The following HSPA12A variants were observed in gnomAD, a reference collection of about 807,000 sequenced individuals.
The protein encoded by HSPA12A is heat shock protein family A (Hsp70) member 12A, also known as heat shock 70 kDa protein 12A.
Under a neutral mutation model 69.2 loss-of-function variants are expected in HSPA12A, and 28 were observed. The observed-to-expected ratio is 0.40, with a 90% CI of 0.30 to 0.55. HSPA12A has a LOEUF of 0.55. HSPA12A is among the 20% of genes least tolerant of loss of function. HSPA12A has a pLI of 0.38. For missense variants in HSPA12A, 686 were observed against 900.7 expected (o/e 0.76, Z 3.05); for synonymous variants, 345 against 370.5 (o/e 0.93, Z 0.79).
upstream of HSPA12A, among the ~76,000 whole-genome samples, chr10:116,747,228 A>T (rs548527215): frequency 6.6e-6 from 1 of 152,366 alleles, no homozygotes; most frequent in East Asian, 1.9e-4. Context: ...CCACTCTTTC[A>T]GGCAAAAATT....
chr10:116,798,562 G>A (rs1844885287), intron 2 of HSPA12A, among the ~76,000 whole-genome samples: 1 of 152,158 alleles, frequency 6.6e-6, no homozygotes, highest in African/African-American at 2.4e-5. Context: ...GGAGCCCCCA[G>A]GAGGAAGTAG....
rs1312802025 is a variant in HSPA12A at position 116,757,533 on chromosome 10, G to T, written c.92-50248C>A. Among the ~76,000 whole-genome samples, 4 of 152,272 alleles carry T rather than the reference G, an allele frequency of 2.6e-5. No individual in the cohort carries two copies. In the Middle Eastern group the frequency reaches 0.01, roughly 388 times the overall value. On this transcript the variant is annotated intron_variant, in intron 2 of 12. Coordinates refer to the HSPA12A transcript ENST00000635765. ...CACTCCAGAGTTACATTCATCATCC[G>T]CACACGGCAGGAGGTTGGACAAATG...
In HSPA12A at chr10:116,681,177, G is replaced by T; in HGVS notation, c.1002C>A (p.His334Gln). The T allele has an allele frequency of 1.2e-6, 2 of 1,613,898 alleles. No homozygotes were observed. Among genetic ancestry groups the T allele is most frequent in the Non-Finnish European group, 1.7e-6 (2 of 1,179,820 alleles). Reference sequence around the variant, plus strand: ...CTGTTGCTTTATACAGTTCCTTAAGGTGTCCCTCCGGTAACCGGATCTGAT... The same window carrying T: ...CTGTTGCTTTATACAGTTCCTTAAGTTGTCCCTCCGGTAACCGGATCTGAT... ...TVHQIRLPEG[H>Q]LKELYKATGG... The change falls in exon 9 of 12, where the codon CAC becomes CAA. Residue 334 changes from histidine (H) to glutamine (Q), a missense_variant. By Grantham distance (24) the His-to-Gln change is conservative (BLOSUM62 0). Transcript: ENST00000369209.
intron 2 of HSPA12A, among the ~76,000 whole-genome samples, chr10:116,796,990 T>C (rs1844840633): frequency 1.3e-5 from 2 of 152,218 alleles, no homozygotes; most frequent in South Asian, 2.1e-4. Flanking sequence ...TGCATGATTA[T>C]TGCTGCCCCC....
At chr10:116,794,594 C>T (rs951734963) in intron 2 of HSPA12A, among the ~76,000 whole-genome samples, 1 of 152,146 alleles carries the variant, frequency 6.6e-6, no homozygotes, top group African/African-American at 2.4e-5. Flanking sequence ...GGGTGGATAA[C>T]TTGAGGTCAG....
intron 7 of HSPA12A, 58 bp from the exon 8 acceptor site, chr10:116,681,935 C>A: frequency 6.6e-7 from 1 of 1,518,798 alleles, no homozygotes. Flanking sequence ...AAGCAGAGAT[C>A]ATTTGCAGTC....
At chr10:116,742,077 GC>G (rs1851526512) in intron 1 of HSPA12A, among the ~76,000 whole-genome samples, 1 of 152,094 alleles carries the variant, frequency 6.6e-6, no homozygotes, top group Non-Finnish European at 1.5e-5. Context: ...AGCCCATCGC[GC>G]GGGGGCTGCA....
intron 1 of HSPA12A, among the ~76,000 whole-genome samples, chr10:116,838,460 C>G (rs1255299930): frequency 6.6e-6 from 1 of 152,158 alleles, no homozygotes; most frequent in Non-Finnish European, 1.5e-5. Context: ...TGGAGAAAAA[C>G]AAGCCAAACA....
intron 1 of HSPA12A, 67 bp from the exon 2 acceptor site, chr10:116,707,352 G>T: frequency 7.9e-7 from 1 of 1,265,050 alleles, no homozygotes; most frequent in Non-Finnish European, 1.1e-6. Context: ...AGAAATGAGG[G>T]CTGCATGGCC....
intron 2 of HSPA12A, among the ~76,000 whole-genome samples, chr10:116,812,946 A>C (rs1289433141): frequency 6.6e-6 from 1 of 152,208 alleles, no homozygotes; most frequent in African/African-American, 2.4e-5. Flanking sequence ...CCACCATGAG[A>C]CATCTGCCAA....
intron 2 of HSPA12A, among the ~76,000 whole-genome samples, chr10:116,762,295 T>C (rs1554889358): frequency 6.6e-6 from 1 of 152,240 alleles, no homozygotes; most frequent in East Asian, 1.9e-4. Context: ...TTCATCTCCC[T>C]GCCTCTGGTC....
chr10:116,694,427 C>G (rs1849824569), intron 5 of HSPA12A, among the ~76,000 whole-genome samples: 1 of 152,178 alleles, frequency 6.6e-6, no homozygotes, highest in Admixed American at 6.5e-5. Context: ...CTGGGAGGAG[C>G]TACCTTTGAA....
chr10:116,755,494 C>G (rs1032539311), intron 2 of HSPA12A, among the ~76,000 whole-genome samples: 15 of 151,510 alleles, frequency 9.9e-5, no homozygotes, highest in Admixed American at 9.9e-4. Flanking sequence ...TGCCTGTAGT[C>G]CCAGATACTT....
chr10:116,779,147 C>A (rs554445835), intron 2 of HSPA12A, among the ~76,000 whole-genome samples: 2 of 152,220 alleles, frequency 1.3e-5, no homozygotes, highest in Non-Finnish European at 2.9e-5. Context: ...GGGCCTTCAT[C>A]GGCAGTTGCT....
At chr10:116,747,613 A>G (rs563331566) in intron 2 of HSPA12A, among the ~76,000 whole-genome samples, 2 of 152,340 alleles carry the variant, frequency 1.3e-5, no homozygotes, top group South Asian at 2.1e-4. Flanking sequence ...GAGAAAAACA[A>G]CTTTCCTCTT....
At chr10:116,742,040 C>T (rs1355635962) in intron 1 of HSPA12A, among the ~76,000 whole-genome samples, 2 of 152,138 alleles carry the variant, frequency 1.3e-5, no homozygotes, top group Non-Finnish European at 2.9e-5. Context: ...GCGGCGGGCC[C>T]TTTACCCAGC....
chr10:116,766,276 A>G (rs1554889751), intron 2 of HSPA12A, among the ~76,000 whole-genome samples: 1 of 152,170 alleles, frequency 6.6e-6, no homozygotes, highest in East Asian at 1.9e-4. Flanking sequence ...CGGTTTGTCC[A>G]GGACTGCCCT....
intron 6 of HSPA12A, among the ~76,000 whole-genome samples, chr10:116,691,605 G>A (rs531934856): frequency 1.3e-5 from 2 of 152,316 alleles, no homozygotes; most frequent in East Asian, 3.9e-4. Context: ...AGGGGCTTAA[G>A]TGCAACAGGA....
intron 2 of HSPA12A, among the ~76,000 whole-genome samples, chr10:116,803,268 G>A (rs762900929): frequency 7.9e-5 from 12 of 152,204 alleles, no homozygotes; most frequent in Non-Finnish European, 1.6e-4. Context: ...GACTCCTTGG[G>A]GAGCCAACAT....
Sources: allele counts gnomAD v4.1 joint callset (sites outside exome capture counted in the v4.1 genomes callset), GRCh38; gene constraint gnomAD v4.1.1; transcripts MANE v1.5; gene names NCBI Gene and HGNC (gene_info 2026-07-23, HGNC 2026-07-21).